VKORC1L1: variants seen among roughly 807,000 people sequenced by gnomAD.
VKORC1L1 encodes the protein vitamin K epoxide reductase complex subunit 1L1.
A neutral mutation model predicts 18.9 loss-of-function variants in VKORC1L1; 2 were observed. The observed-to-expected ratio is 0.11, with a 90% confidence interval of 0.04 to 0.33. The LOEUF (loss-of-function observed/expected upper bound fraction) is 0.33. VKORC1L1 is among the 10% of genes least tolerant of loss of function. The probability of loss-of-function intolerance (pLI) is 1.00; values close to 1 mark genes in which losing one functional copy is unlikely to be tolerated. For missense variants in VKORC1L1, 123 were observed against 224.1 expected, an observed-to-expected ratio of 0.55 and a Z score of 2.88; for synonymous variants, 96 against 100.0, an observed-to-expected ratio of 0.96 and a Z score of 0.24.
chr7:65,880,895 A>T (rs1788917129), intron 1 of VKORC1L1, among the ~76,000 whole-genome samples: 1 of 152,166 alleles, frequency 6.6e-6, no homozygotes, highest in African/African-American at 2.4e-5. Context: ...CTTTTCTTCT[A>T]TAAAGTTATT....
upstream of VKORC1L1, among the ~76,000 whole-genome samples, chr7:65,873,007 C>T (rs1464919869): frequency 9.1e-6 from 1 of 110,200 alleles, no homozygotes; most frequent in Non-Finnish European, 2.4e-5. Context: ...CCCTGCCCCA[C>T]CCCTTTCTCC....
At chr7:65,899,591 A>C (rs1165880939) in intron 1 of VKORC1L1, among the ~76,000 whole-genome samples, 1 of 152,182 alleles carries the variant, frequency 6.6e-6, no homozygotes, top group African/African-American at 2.4e-5. Flanking sequence ...TAACTGGCAC[A>C]GAGGGAGAAA....
At chr7:65,893,219 A>C (rs1216689245) in intron 1 of VKORC1L1, among the ~76,000 whole-genome samples, 1 of 152,192 alleles carries the variant, frequency 6.6e-6, no homozygotes, top group African/African-American at 2.4e-5. Context: ...ATTTCTTGTT[A>C]TTTTTAAATG....
intron 1 of VKORC1L1, among the ~76,000 whole-genome samples, chr7:65,896,752 G>T (rs1789220628): frequency 6.6e-6 from 1 of 152,158 alleles, no homozygotes; most frequent in Non-Finnish European, 1.5e-5. Context: ...TATAATCCCA[G>T]CACTTTGAGA....
rs147593908 is a variant in VKORC1L1, at chr7:65,878,957, C to T, written c.194+5392C>T. Among the ~76,000 whole-genome samples the T allele has an allele frequency of 2.1e-3, 316 of 152,244 alleles. 1 individual carries two copies. Among genetic ancestry groups the T allele is most frequent in the African/African-American group, 6.8e-3 (282 of 41,546 alleles). ...TGTCTAGGTAAGGCATTCGCTGCTT[C>T]GGATTTGAAAGATAACAAAGCATGT... is the stretch of plus-strand genomic sequence containing the variant. On this transcript the variant is annotated intron_variant, in intron 1 of 2. Coordinates refer to ENST00000360768, the MANE Select transcript of VKORC1L1 (RefSeq NM_173517.6).
rs1056928784 is a variant in VKORC1L1, at chr7:65,955,433, C to G, written c.*1133C>G. Reference sequence around the variant, plus strand: ...GTAACCTTCAGGGCTGACATGCTGCCCAGTTTGCTTCATCGGGAGAATAGC... The same window carrying G: ...GTAACCTTCAGGGCTGACATGCTGCGCAGTTTGCTTCATCGGGAGAATAGC... On this transcript the variant is annotated 3_prime_UTR_variant, in exon 3 of 3. Transcript: ENST00000360768. 6.6e-6 allele frequency: 1 copy of G among 152,184 alleles called. No individual in the cohort carries two copies. The highest frequency in any genetic ancestry group is 1.5e-5 in the Non-Finnish European group (1 of 68,040). The allele number at this position is 152,184 out of a possible 1,614,324, so 9.4% of individuals were successfully genotyped here.
intron 1 of VKORC1L1, among the ~76,000 whole-genome samples, chr7:65,909,728 G>GTGTA (rs1789470626): frequency 6.6e-6 from 1 of 150,466 alleles, no homozygotes; most frequent in Non-Finnish European, 1.5e-5. Flanking sequence ...GTGTGTGTGT[G>GTGTA]TGTGTGTGTG....
At chr7:65,948,961 G>A (rs1790166216) in intron 2 of VKORC1L1, among the ~76,000 whole-genome samples, 181 bp downstream of exon 2, 1 of 152,102 alleles carries the variant, frequency 6.6e-6, no homozygotes, top group Admixed American at 6.6e-5. Context: ...TTGAATTTAT[G>A]TCAATTGCTG....
intron 1 of VKORC1L1, among the ~76,000 whole-genome samples, chr7:65,919,780 G>A (rs905535418): frequency 2.0e-5 from 3 of 152,086 alleles, no homozygotes; most frequent in African/African-American, 7.2e-5. Flanking sequence ...TGGCCAGGCC[G>A]GGCGCGGTGG....
intron 1 of VKORC1L1, among the ~76,000 whole-genome samples, chr7:65,944,268 C>T (rs1395818381): frequency 3.9e-5 from 6 of 152,068 alleles, no homozygotes. Flanking sequence ...CTTTAGGAGG[C>T]TGACACAGGA....
At chr7:65,931,230 G>A (rs978913159) in intron 1 of VKORC1L1, among the ~76,000 whole-genome samples, 5 of 150,782 alleles carry the variant, frequency 3.3e-5, no homozygotes, top group African/African-American at 9.8e-5. Flanking sequence ...TGGTTTTGAT[G>A]TCAGGGTAAA....
intron 1 of VKORC1L1, among the ~76,000 whole-genome samples, chr7:65,932,806 G>T (rs1000951786): frequency 5.3e-5 from 8 of 152,160 alleles, no homozygotes; most frequent in Non-Finnish European, 1.2e-4. Context: ...GCAGCTGGGC[G>T]CAGTGGCTCA....
At chr7:65,928,743 G>C (rs991890422) in intron 1 of VKORC1L1, among the ~76,000 whole-genome samples, 1 of 152,164 alleles carries the variant, frequency 6.6e-6, no homozygotes, top group Admixed American at 6.5e-5. Context: ...TGCTTCTCTT[G>C]AGTAAATGGG....
chr7:65,911,907 T>C (rs1452207046), intron 1 of VKORC1L1, among the ~76,000 whole-genome samples: 1 of 152,220 alleles, frequency 6.6e-6, no homozygotes, highest in Non-Finnish European at 1.5e-5. Flanking sequence ...ATTAAGTCCA[T>C]AGAAAATAGC....
chr7:65,958,290 T>C lies in VKORC1L1; in HGVS notation c.*3990T>C, dbSNP rs1790335390. 1 of 152,234 alleles carries C rather than the reference T, an allele frequency of 6.6e-6. No homozygotes were observed. The highest frequency in any genetic ancestry group is 2.4e-5 in the African/African-American group (1 of 41,460). The allele number at this position is 152,234 out of a possible 1,614,324, so 9.4% of individuals were successfully genotyped here. Reference sequence around the variant, plus strand: ...CTGTATTAAGCATGGCCTAAGTATTTATTAGGTATATGATCTGTGTAGTAT... The same window carrying C: ...CTGTATTAAGCATGGCCTAAGTATTCATTAGGTATATGATCTGTGTAGTAT... On this transcript the variant is annotated 3_prime_UTR_variant, in exon 3 of 3. Coordinates refer to ENST00000360768, the MANE Select transcript of VKORC1L1 (RefSeq NM_173517.6).
At chr7:65,953,945 A>G in intron 2 of VKORC1L1, 129 bp from the exon 3 acceptor site, 2 of 776,778 alleles carry the variant, frequency 2.6e-6, no homozygotes, top group Non-Finnish European at 4.0e-6. Flanking sequence ...TTCTGTTCTC[A>G]ATTTTCAGAG....
At chr7:65,927,132 C>T (rs553375288) in intron 1 of VKORC1L1, among the ~76,000 whole-genome samples, 7 of 152,064 alleles carry the variant, frequency 4.6e-5, no homozygotes, top group African/African-American at 1.4e-4. Flanking sequence ...ACTAAAAGTA[C>T]GAAAAATTGC....
At chr7:65,930,745 A>G (rs76956890) in intron 1 of VKORC1L1, among the ~76,000 whole-genome samples, 15 of 152,012 alleles carry the variant, frequency 9.9e-5, no homozygotes, top group African/African-American at 3.6e-4. Flanking sequence ...TTTACTGGCT[A>G]AGGTCTTTCA....
intron 1 of VKORC1L1, among the ~76,000 whole-genome samples, chr7:65,883,655 A>C (rs1417893947): frequency 6.6e-6 from 1 of 150,588 alleles, no homozygotes; most frequent in Non-Finnish European, 1.5e-5. Flanking sequence ...ACCTGCCACC[A>C]AACCCGGCTA....
Sources: allele counts gnomAD v4.1 joint callset (sites outside exome capture counted in the v4.1 genomes callset), GRCh38; gene constraint gnomAD v4.1.1; transcripts MANE v1.5; gene names NCBI Gene and HGNC (gene_info 2026-07-23, HGNC 2026-07-21).